BNC2: variants seen among roughly 807,000 people sequenced by gnomAD.
BNC2 encodes zinc finger protein basonuclin-2.
In BNC2, 20 loss-of-function variants were observed where a neutral mutation model predicts 76.3. The observed-to-expected ratio is 0.26, with a 90% CI of 0.18 to 0.38. The LOEUF is 0.38. Ranked by LOEUF, BNC2 falls within the 10% of genes least tolerant of loss-of-function variation. BNC2 has a pLI of 1.00. For missense variants in BNC2, 1,382 were observed against 1,399.8 expected (o/e 0.99, Z 0.20); for synonymous variants, 582 against 514.8 (o/e 1.13, Z -1.77).
At chr9:16,552,060 A>G (rs2132530743) in intron 5 of BNC2, among the ~76,000 whole-genome samples, 1 of 152,294 alleles carries the variant, frequency 6.6e-6, no homozygotes, top group East Asian at 1.9e-4. Context: ...AGTTGGCTGA[A>G]AAAACAATAA....
chr9:16,734,877 C>G (rs920028392), intron 2 of BNC2, among the ~76,000 whole-genome samples: 8 of 152,124 alleles, frequency 5.3e-5, no homozygotes, highest in African/African-American at 1.9e-4. Context: ...TAAACAGTGG[C>G]ACAAACATCC....
intron 3 of BNC2, among the ~76,000 whole-genome samples, chr9:16,589,563 C>A (rs146419514): frequency 6.6e-6 from 1 of 152,056 alleles, no homozygotes; most frequent in Admixed American, 6.6e-5. Context: ...GGCTGGAGTA[C>A]GGTGGTGCAA....
chr9:16,566,570 A>T (rs1819174808), intron 4 of BNC2, among the ~76,000 whole-genome samples: 1 of 152,178 alleles, frequency 6.6e-6, no homozygotes, highest in African/African-American at 2.4e-5. Context: ...CACTTTTAGT[A>T]GAAAAACAGG....
intron 3 of BNC2, among the ~76,000 whole-genome samples, chr9:16,665,662 A>G (rs1822270031): frequency 6.6e-6 from 1 of 152,166 alleles, no homozygotes; most frequent in South Asian, 2.1e-4. Context: ...TGATTCAGAG[A>G]TATGAAAATG....
intron 5 of BNC2, among the ~76,000 whole-genome samples, chr9:16,538,857 C>T (rs994252739): frequency 1.3e-5 from 2 of 152,124 alleles, no homozygotes; most frequent in Non-Finnish European, 2.9e-5. Flanking sequence ...GGTAGTATGT[C>T]CAAAGAGTCT....
At chr9:16,444,871 C>A (rs1028215451) in intron 5 of BNC2, among the ~76,000 whole-genome samples, 1 of 152,186 alleles carries the variant, frequency 6.6e-6, no homozygotes, top group Admixed American at 6.5e-5. Context: ...CATTCTAAAG[C>A]CAGTATTTAA....
intron 1 of BNC2, among the ~76,000 whole-genome samples, chr9:16,778,482 C>T (rs1420859690): frequency 6.6e-6 from 1 of 152,124 alleles, no homozygotes; most frequent in African/African-American, 2.4e-5. Context: ...CCACTTCATT[C>T]AAAACAATAA....
intron 1 of BNC2, among the ~76,000 whole-genome samples, chr9:16,862,826 T>C (rs959302690): frequency 6.6e-6 from 1 of 152,050 alleles, no homozygotes; most frequent in African/African-American, 2.4e-5. Flanking sequence ...GAAAAAGGAA[T>C]GTTAAGACAC....
chr9:16,757,188 A>C (rs1825410990), intron 1 of BNC2, among the ~76,000 whole-genome samples: 1 of 152,204 alleles, frequency 6.6e-6, no homozygotes, highest in Non-Finnish European at 1.5e-5. Context: ...GAATGTTCCA[A>C]CATACTAGCC....
intron 3 of BNC2, among the ~76,000 whole-genome samples, chr9:16,718,923 G>A (rs185338743): frequency 6.6e-6 from 1 of 152,278 alleles, no homozygotes; most frequent in East Asian, 1.9e-4. Flanking sequence ...CTACCATAAT[G>A]TGGCAATATG....
intron 3 of BNC2, among the ~76,000 whole-genome samples, chr9:16,689,900 A>G (rs1314867020): frequency 1.3e-5 from 2 of 152,248 alleles, no homozygotes; most frequent in Non-Finnish European, 2.9e-5. Context: ...TGTGAGAAAG[A>G]GCAGATAAAG....
At chr9:16,649,415 G>A (rs530778332) in intron 3 of BNC2, among the ~76,000 whole-genome samples, 1 of 152,280 alleles carries the variant, frequency 6.6e-6, no homozygotes, top group East Asian at 1.9e-4. Flanking sequence ...GTCCACTGGC[G>A]ACAGATCTTT....
chr9:16,619,994 G>C lies in BNC2; in HGVS notation c.331-36909C>G, dbSNP rs369303817. Among the ~76,000 whole-genome samples the C allele has an allele frequency of 1.7e-3, 264 of 152,268 alleles. 2 individuals carry two copies. The highest frequency in any genetic ancestry group is 6.0e-3 in the African/African-American group (248 of 41,556). On this transcript the variant is annotated intron_variant, in intron 3 of 6. Transcript: ENST00000380672. Reference sequence around the variant, plus strand: ...ATAAGTCCAGCATTCAATGCACTCAGGAAATTAAGCCACGTATGGCCTTCT... The same window carrying C: ...ATAAGTCCAGCATTCAATGCACTCACGAAATTAAGCCACGTATGGCCTTCT...
intron 5 of BNC2, among the ~76,000 whole-genome samples, chr9:16,491,774 C>G (rs141752032): frequency 6.6e-5 from 10 of 152,314 alleles, no homozygotes; most frequent in African/African-American, 2.2e-4. Flanking sequence ...TTAGTTTCAT[C>G]TCTTTTTAAG....
intron 1 of BNC2, among the ~76,000 whole-genome samples, chr9:16,768,568 G>C (rs1268286663): frequency 2.6e-5 from 4 of 152,054 alleles, no homozygotes; most frequent in Non-Finnish European, 5.9e-5. Flanking sequence ...GAAAATGCTA[G>C]GCAAAGAGAT....
chr9:16,800,828 T>C (rs1250270312), intron 1 of BNC2, among the ~76,000 whole-genome samples: 2 of 152,186 alleles, frequency 1.3e-5, no homozygotes, highest in Non-Finnish European at 2.9e-5. Context: ...TTCTTTTTCA[T>C]CATGTGCTTT....
chr9:16,830,337 A>G (rs1563962069), intron 1 of BNC2, among the ~76,000 whole-genome samples: 1 of 152,224 alleles, frequency 6.6e-6, no homozygotes, highest in Non-Finnish European at 1.5e-5. Flanking sequence ...CTCTGAGGAT[A>G]GCAAAATCTT....
Position 16,676,686 on chromosome 9 carries a change from T to G in BNC2, c.330+51111A>C, listed in dbSNP as rs149647976. ...CCTGAGACACAGGAATTCACAAATT[T>G]AATGCTGCCTAAGCAGATGCTAAGT... is the stretch of plus-strand genomic sequence containing the variant. On this transcript the variant is annotated intron_variant, in intron 3 of 6. Transcript: ENST00000380672. 1.7e-3 allele frequency among the ~76,000 whole-genome samples: 265 copies of G among 152,318 alleles called. 2 individuals carry two copies. The highest frequency in any genetic ancestry group is 5.9e-3 in the African/African-American group (245 of 41,562).
At chr9:16,618,259 T>G (rs974393709) in intron 3 of BNC2, among the ~76,000 whole-genome samples, 2 of 152,184 alleles carry the variant, frequency 1.3e-5, no homozygotes, top group Non-Finnish European at 2.9e-5. Context: ...AAAAAAAATG[T>G]TCAGGTTGCA....
Sources: allele counts gnomAD v4.1 joint callset (sites outside exome capture counted in the v4.1 genomes callset), GRCh38; gene constraint gnomAD v4.1.1; transcripts MANE v1.5; gene names NCBI Gene and HGNC (gene_info 2026-07-23, HGNC 2026-07-21).